Variants in ZCCHC2 observed in about 807,000 individuals in gnomAD.
ZCCHC2 encodes the protein zinc finger CCHC domain-containing protein 2.
Under a neutral mutation model 103.6 loss-of-function variants are expected in ZCCHC2, and 39 were observed. That is an observed-to-expected ratio of 0.38 (90% CI 0.29 to 0.49). The LOEUF is 0.49. ZCCHC2 is among the 20% of genes least tolerant of loss of function. The pLI, the probability that ZCCHC2 is intolerant of heterozygous loss-of-function variation, is 0.96. For missense variants in ZCCHC2, 1,483 were observed against 1,491.0 expected, an observed-to-expected ratio of 0.99 and a Z score of 0.09; for synonymous variants, 687 against 608.9, an observed-to-expected ratio of 1.13 and a Z score of -1.89.
chr18:62,527,400 G>C (rs1003131098), intron 1 of ZCCHC2, among the ~76,000 whole-genome samples: 1 of 152,076 alleles, frequency 6.6e-6, no homozygotes, highest in East Asian at 1.9e-4. Context: ...TAATAGTTGA[G>C]GTATAACACG....
intron 1 of ZCCHC2, among the ~76,000 whole-genome samples, chr18:62,531,955 G>C (rs1728267430): frequency 6.6e-6 from 1 of 152,206 alleles, no homozygotes; most frequent in South Asian, 2.1e-4. Context: ...CTGCACTCCA[G>C]CCTGAGCAAC....
At chr18:62,543,034 T>A (rs930275153) in intron 3 of ZCCHC2, among the ~76,000 whole-genome samples, 3 of 152,210 alleles carry the variant, frequency 2.0e-5, no homozygotes, top group Non-Finnish European at 4.4e-5. Context: ...CCAGCTCTGA[T>A]TCTGTGCTCC....
In ZCCHC2 at chr18:62,558,617, AC is replaced by A. The variant is rs1915988582; in HGVS notation, c.1409-69del. The A allele has an allele frequency of 5.2e-6, 5 of 962,830 alleles. No homozygotes were observed. The South Asian group carries it at 1.0e-4, about 20-fold the overall frequency. 59.6% of individuals were successfully genotyped at this position (962,830 alleles called of 1,614,324 possible). A position where few individuals can be genotyped will look rare whatever the true frequency, so the allele number is the denominator to read the frequency against. ...CCATTCATTTTCCTTAGGTAAAAAAACAATTATTATATTTGTTTTCTTTATT... is the reference window on the plus strand; with the variant it reads ...CCATTCATTTTCCTTAGGTAAAAAAAAATTATTATATTTGTTTTCTTTATT... On this transcript the variant is annotated intron_variant, in intron 6 of 13. Transcript: ENST00000269499.
intron 1 of ZCCHC2, among the ~76,000 whole-genome samples, chr18:62,533,536 AAAG>A: frequency 6.6e-6 from 1 of 151,808 alleles, no homozygotes. Context: ...AAAAAAGAAA[AAAG>A]AAAAAATACC....
intron 12 of ZCCHC2, among the ~76,000 whole-genome samples, chr18:62,571,176 AGAG>A (rs1430312599): frequency 2.6e-5 from 4 of 151,268 alleles, no homozygotes; most frequent in Non-Finnish European, 5.9e-5. Context: ...CCTGCGGGTA[AGAG>A]GCTGTAACAC....
At chr18:62,525,123 C>T (rs765297796) in intron 1 of ZCCHC2, 1 of 152,216 alleles carries the variant, frequency 6.6e-6, no homozygotes, top group Non-Finnish European at 1.5e-5. Flanking sequence ...GGGCTTGATT[C>T]CTGCCTACAG....
Position 62,556,184 on chromosome 18 carries a change from C to T in ZCCHC2, c.1314-19C>T. ...AACATTACCTGAAATTAACAAATCT[C>T]TTTTCTTTTTATGTGCAGGCAGCTA... On this transcript the variant is annotated intron_variant, in intron 5 of 13. Transcript: ENST00000269499. 6.4e-7 allele frequency: 1 copy of T among 1,566,940 alleles called. No individual in the cohort carries two copies. The highest frequency in any genetic ancestry group is 8.7e-7 in the Non-Finnish European group (1 of 1,153,358).
At position 62,575,371 on chromosome 18, in the gene ZCCHC2, G is replaced by A. The variant is rs757277626; in HGVS notation, c.3290G>A (p.Gly1097Asp). The change falls in exon 13 of 14, where the codon GGC becomes GAC. Residue 1097 changes from glycine to aspartate, a missense_variant. Around this residue, in one of 3 missense-constraint regions of ZCCHC2, gnomAD observed 884 missense variants for 907.5 expected, o/e 0.97. Transcript: ENST00000269499. ...DPVMGSQANY[G>D]MQQMAGFGRF... ...GTCATGGGGAGCCAAGCCAACTATG[G>A]CATGCAGCAGATGGCAGGATTTGGG... is the stretch of plus-strand genomic sequence containing the variant. 4.5e-5 allele frequency: 72 copies of A among 1,613,932 alleles called. No individual in the cohort carries two copies. Among genetic ancestry groups the A allele is most frequent in the Non-Finnish European group, 6.1e-5 (72 of 1,179,860 alleles).
intron 1 of ZCCHC2, chr18:62,524,687 C>T (rs548997954): frequency 1.1e-5 from 4 of 355,388 alleles, no homozygotes; most frequent in East Asian, 9.5e-5. Flanking sequence ...AGTGTCGGGA[C>T]GTTTTTGGCT....
chr18:62,570,319 A>T, intron 12 of ZCCHC2, 88 bp downstream of exon 12: 2 of 1,498,672 alleles, frequency 1.3e-6, no homozygotes, highest in East Asian at 4.8e-5. Context: ...GTCAAAGTCA[A>T]ACAAGGAATT....
chr18:62,532,515 C>T (rs188399720), intron 1 of ZCCHC2, among the ~76,000 whole-genome samples: 1 of 152,340 alleles, frequency 6.6e-6, no homozygotes, highest in African/African-American at 2.4e-5. Flanking sequence ...CTGATGGACC[C>T]TGGCCTCTAA....
At chr18:62,573,932 GT>G (rs778948762) in intron 12 of ZCCHC2, 124 bp from the exon 13 acceptor site, 50 of 982,302 alleles carry the variant, frequency 5.1e-5, no homozygotes, top group Non-Finnish European at 7.4e-5. Context: ...AGCTTGGACA[GT>G]CAGGAAACAT....
rs1163690691 is a variant in ZCCHC2 at position 62,523,687 on chromosome 18, C to T, written c.263C>T (p.Pro88Leu). ...GAGMPGGGGGPSAALREQERV... is the reference protein window; with the variant it reads ...GAGMPGGGGGLSAALREQERV... ...GGTATGCCGGGCGGCGGCGGGGGGC[C>T]CTCGGCGGCGCTGCGCGAGCAGGAG... The change falls in exon 1 of 14, where the codon CCC (proline) becomes CTC (leucine). Residue 88 changes from proline to leucine, a missense_variant. Coordinates refer to ENST00000269499, the MANE Select transcript of ZCCHC2 (RefSeq NM_017742.6). 5.0e-6 allele frequency: 7 copies of T among 1,390,236 alleles called. No homozygotes were observed. In the Admixed American group the frequency reaches 9.0e-5, roughly 18 times the overall value. 86.1% of individuals were successfully genotyped at this position (1,390,236 alleles called of 1,614,324 possible). A position where few individuals can be genotyped will look rare whatever the true frequency, so the allele number is the denominator to read the frequency against.
chr18:62,578,893 G>A (rs748229226), downstream of ZCCHC2, among the ~76,000 whole-genome samples: 2 of 152,118 alleles, frequency 1.3e-5, no homozygotes, highest in Non-Finnish European at 2.9e-5. Context: ...TCCGCCTCCT[G>A]AGTAGCTGGG....
intron 3 of ZCCHC2, 27 bp downstream of exon 3, chr18:62,542,601 C>T (rs761633552): frequency 1.9e-5 from 29 of 1,534,374 alleles, no homozygotes; most frequent in East Asian, 2.4e-5. Context: ...ACAAAAGATA[C>T]CTCACGTGCT....
intron 5 of ZCCHC2, among the ~76,000 whole-genome samples, chr18:62,550,924 GGTT>G (rs1442488334): frequency 6.6e-6 from 1 of 152,174 alleles, no homozygotes; most frequent in African/African-American, 2.4e-5. Flanking sequence ...GCCCTCGTAA[GGTT>G]GTTGGGCTTG....
At chr18:62,535,114 C>T (rs1395594354) in intron 1 of ZCCHC2, among the ~76,000 whole-genome samples, 3 of 152,190 alleles carry the variant, frequency 2.0e-5, no homozygotes, top group African/African-American at 7.2e-5. Context: ...CCTCATCTCT[C>T]GTGGGGCGAG....
At chr18:62,557,350 A>AT (rs1915933216) in intron 6 of ZCCHC2, among the ~76,000 whole-genome samples, 2 of 152,248 alleles carry the variant, frequency 1.3e-5, no homozygotes, top group East Asian at 1.9e-4. Context: ...CAAGAGAGTC[A>AT]TTTTTTCCTG....
intron 6 of ZCCHC2, among the ~76,000 whole-genome samples, chr18:62,556,719 T>G (rs1165951300): frequency 6.6e-6 from 1 of 152,164 alleles, no homozygotes; most frequent in African/African-American, 2.4e-5. Context: ...TTTGTTTTCA[T>G]CACGGAAAGG....
Sources: allele counts gnomAD v4.1 joint callset (sites outside exome capture counted in the v4.1 genomes callset), GRCh38; gene constraint gnomAD v4.1.1; regional missense constraint gnomAD v4.1.1; transcripts MANE v1.5; gene names NCBI Gene and HGNC (gene_info 2026-07-23, HGNC 2026-07-21).